Variants in RUVBL2 observed in about 807,000 individuals in gnomAD.
RUVBL2 encodes the protein RuvB like AAA ATPase 2, also known as ruvB-like 2.
In RUVBL2, 9 loss-of-function variants were observed where a neutral mutation model predicts 57.9. That is an observed-to-expected ratio of 0.16 (90% CI 0.09 to 0.27). The LOEUF (loss-of-function observed/expected upper bound fraction) is 0.27, where lower values mean the gene tolerates loss of function less well. Among genes scored for constraint, RUVBL2 ranks in the 10% least tolerant of loss-of-function variants. The pLI is 1.00. For missense variants in RUVBL2, 456 were observed against 669.6 expected (o/e 0.68, Z 3.52); for synonymous variants, 278 against 264.6 (o/e 1.05, Z -0.49).
chr19:49,015,786 A>G, intron 14 of RUVBL2, 31 bp from the exon 15 acceptor site: 1 of 1,613,978 alleles, frequency 6.2e-7, no homozygotes, highest in Admixed American at 1.7e-5. Context: ...CCTGGGCGAC[A>G]CTGACCATGT....
chr19:48,995,921 AG>A (rs982622926), intron 1 of RUVBL2, among the ~76,000 whole-genome samples: 2 of 150,984 alleles, frequency 1.3e-5, no homozygotes, highest in African/African-American at 4.9e-5. Context: ...CGGGAGGCGA[AG>A]GTTGCAGTGA....
intron 12 of RUVBL2, 65 bp downstream of exon 12, chr19:49,014,668 C>T (rs45581438): frequency 0.077 from 121,815 of 1,587,738 alleles, 5,107 homozygotes; most frequent in Middle Eastern, 0.096. Flanking sequence ...TTGACAAATG[C>T]TGACACTGAG....
At chr19:49,009,600 C>T (rs4802533) in intron 6 of RUVBL2, among the ~76,000 whole-genome samples, 176 bp from the exon 7 acceptor site, 68,810 of 152,102 alleles carry the variant, frequency 0.45, 16,011 homozygotes, top group Middle Eastern at 0.53. Flanking sequence ...GCCATCACCG[C>T]GTCAGGCTGG....
At chr19:49,006,962 G>A (rs2039292605) in intron 4 of RUVBL2, 56 bp from the exon 5 acceptor site, 1 of 1,596,466 alleles carries the variant, frequency 6.3e-7, no homozygotes. Context: ...CACAGAGCAG[G>A]TGTCGGGGAC....
In RUVBL2 at chr19:49,007,020, A is replaced by G; in HGVS notation, c.268A>G (p.Met90Val). The change falls in exon 5 of 15, where the codon ATG becomes GTG. Residue 90 changes from methionine (M) to valine (V), a missense_variant and splice_region_variant. Coordinates refer to ENST00000595090, the MANE Select transcript of RUVBL2 (RefSeq NM_006666.3). ...GTGKTAIAMG[M>V]AQALGPDTPF... Reference sequence around the variant, plus strand: ...TACACAGACTGCCTCCTTCCCAGGCATGGCGCAGGCCCTGGGCCCTGACAC... The same window carrying G: ...TACACAGACTGCCTCCTTCCCAGGCGTGGCGCAGGCCCTGGGCCCTGACAC... 6.2e-7 allele frequency: 1 copy of G among 1,612,722 alleles called. No homozygotes were observed. Among genetic ancestry groups the G allele is most frequent in the Non-Finnish European group, 8.5e-7 (1 of 1,179,810 alleles).
chr19:48,997,628 C>CAAA (rs34730869), intron 1 of RUVBL2, among the ~76,000 whole-genome samples: 1 of 108,730 alleles, frequency 9.2e-6, no homozygotes, highest in Non-Finnish European at 2.1e-5. Context: ...GACTATGTCT[C>CAAA]AAAAAAAAAA....
chr19:48,998,168 A>G (rs1017872654), intron 1 of RUVBL2, among the ~76,000 whole-genome samples: 1 of 152,220 alleles, frequency 6.6e-6, no homozygotes, highest in African/African-American at 2.4e-5. Flanking sequence ...CTAGCCTGGC[A>G]GGGCTGTTGG....
At chr19:49,005,404 A>G (rs1202327033) in intron 4 of RUVBL2, among the ~76,000 whole-genome samples, 3 of 152,166 alleles carry the variant, frequency 2.0e-5, no homozygotes, top group Non-Finnish European at 2.9e-5. Flanking sequence ...CCAAGGCGAC[A>G]TGTGTTACAA....
intron 4 of RUVBL2, among the ~76,000 whole-genome samples, chr19:49,004,824 G>C (rs529157587): frequency 3.3e-5 from 5 of 152,074 alleles, no homozygotes; most frequent in Non-Finnish European, 5.9e-5. Flanking sequence ...TTATCTCATT[G>C]ACTAGAATGT....
intron 6 of RUVBL2, among the ~76,000 whole-genome samples, chr19:49,009,379 C>G (rs530557958): frequency 7.1e-6 from 1 of 141,202 alleles, no homozygotes; most frequent in Non-Finnish European, 1.5e-5. Flanking sequence ...CCCAGCTACT[C>G]GGGAGGCTGA....
rs185487314 is a variant in RUVBL2, at chr19:49,009,880, C to T, written c.567C>T (p.Ala189=). 6.7e-4 allele frequency: 1,088 copies of T among 1,613,972 alleles called. 1 individual carries two copies. The highest frequency in any genetic ancestry group is 2.6e-3 in the African/African-American group (198 of 75,012). The stretch of plus-strand genomic sequence containing the variant: ...CCCTGACCAAGGACAAGGTCCAGGC[C>T]GGGTGAGCAGTCAGGGGCCATGCCA... The part of the protein sequence containing the change: ...IESLTKDKVQ[A]GDVITIDKAT... The change falls in exon 7 of 15, where the codon GCC becomes GCT. Residue 189 remains alanine (A), a splice_region_variant and synonymous_variant. Transcript: ENST00000595090.
At chr19:49,009,238 C>G (rs1212485998) in intron 6 of RUVBL2, among the ~76,000 whole-genome samples, 2 of 146,224 alleles carry the variant, frequency 1.4e-5, no homozygotes, top group African/African-American at 5.1e-5. Context: ...CCTGTAATCC[C>G]AGCACTTTGG....
chr19:48,998,790 G>A (rs1211096351), intron 1 of RUVBL2, among the ~76,000 whole-genome samples: 1 of 152,018 alleles, frequency 6.6e-6, no homozygotes, highest in Non-Finnish European at 1.5e-5. Context: ...CACTCTGGGA[G>A]GCCAAGGCTG....
intron 1 of RUVBL2, chr19:48,994,914 CTG>C: frequency 6.6e-6 from 1 of 151,670 alleles, no homozygotes; most frequent in African/African-American, 2.4e-5. Flanking sequence ...AAGCGAGACT[CTG>C]TCTCCAAAAA....
intron 4 of RUVBL2, among the ~76,000 whole-genome samples, chr19:49,005,297 C>A (rs138993617): frequency 4.9e-4 from 74 of 152,334 alleles, no homozygotes; most frequent in African/African-American, 1.8e-3. Context: ...TGTTGGGGTG[C>A]TCGGACTGGA....
upstream of RUVBL2, chr19:48,993,562 GGGA>G (rs2038987671): frequency 5.1e-5 from 24 of 473,300 alleles, no homozygotes; most frequent in Middle Eastern, 5.8e-4. Context: ...CCTCAAAGTG[GGGA>G]GGAGGAGGAG....
rs1568641674 is a variant in RUVBL2, at chr19:49,011,652, A to G, written c.1001+342A>G. 6.6e-6 allele frequency among the ~76,000 whole-genome samples: 1 copy of G among 152,122 alleles called. No individual in the cohort carries two copies. The highest frequency in any genetic ancestry group is 2.4e-5 in the African/African-American group (1 of 41,368). Reference sequence around the variant, plus strand: ...AAGCACAGTGACATCTGTTAGACATAACATAAACTACGATTGTTCAGTCAC... The same window carrying G: ...AAGCACAGTGACATCTGTTAGACATGACATAAACTACGATTGTTCAGTCAC... On this transcript the variant is annotated intron_variant, in intron 11 of 14. Transcript: ENST00000595090. The surrounding 1 kb of genome is among the most constrained non-coding windows in gnomAD (Gnocchi z 4.4).
intron 1 of RUVBL2, among the ~76,000 whole-genome samples, chr19:48,996,475 G>A (rs982157455): frequency 2.0e-5 from 3 of 149,492 alleles, no homozygotes; most frequent in Admixed American, 6.7e-5. Context: ...ACAGGTGCGC[G>A]TCACCACGCC....
intron 1 of RUVBL2, among the ~76,000 whole-genome samples, chr19:48,995,877 C>T (rs748046941): frequency 6.6e-6 from 1 of 151,456 alleles, no homozygotes; most frequent in Non-Finnish European, 1.5e-5. Context: ...GTCCCAACTA[C>T]TCTGGAGGCT....
Sources: allele counts gnomAD v4.1 joint callset (sites outside exome capture counted in the v4.1 genomes callset), GRCh38; gene constraint gnomAD v4.1.1; non-coding constraint Gnocchi (gnomAD v3.1); transcripts MANE v1.5; gene names NCBI Gene and HGNC (gene_info 2026-07-23, HGNC 2026-07-21).